NRG1: variants seen among roughly 807,000 people sequenced by gnomAD.
NRG1 encodes the protein pro-neuregulin-1, membrane-bound isoform.
In NRG1, 18 loss-of-function variants were observed where a neutral mutation model predicts 63.8. The observed-to-expected ratio is 0.28, with a 90% CI of 0.19 to 0.42. The LOEUF (loss-of-function observed/expected upper bound fraction) is 0.42. Among genes scored for constraint, NRG1 ranks in the 10% least tolerant of loss-of-function variants. The pLI, the probability that NRG1 is intolerant of heterozygous loss-of-function variation, is 1.00. For synonymous variants in NRG1, 302 were observed against 301.3 expected, an observed-to-expected ratio of 1.00 and a Z score of -0.02; for missense variants, 762 against 814.7, an observed-to-expected ratio of 0.94 and a Z score of 0.79.
chr8:32,578,034 G>A (rs1268557253), intron 1 of NRG1, among the ~76,000 whole-genome samples: 9 of 152,066 alleles, frequency 5.9e-5, no homozygotes, highest in East Asian at 1.9e-4. Context: ...TCACACAGTC[G>A]CCTGGTCTGG....
At chr8:31,913,146 G>A (rs1833085165) in intron 1 of NRG1, among the ~76,000 whole-genome samples, 1 of 152,082 alleles carries the variant, frequency 6.6e-6, no homozygotes, top group Admixed American at 6.6e-5. Context: ...AGCTAGAATG[G>A]AATAGGTCCA....
rs1306709157 is a variant in NRG1 at position 32,407,343 on chromosome 8, A to G, written c.38-188485A>G. On this transcript the variant is annotated intron_variant, in intron 1 of 10. Transcript: ENST00000519301. ...ATTATATATATATATGGCCAACCAT[A>G]TATCTATTAGTAGCTCTCTCTATAT... 1.0e-4 allele frequency among the ~76,000 whole-genome samples: 13 copies of G among 129,858 alleles called. 1 individual carries two copies. The highest frequency in any genetic ancestry group is 2.1e-4 in the East Asian group (1 of 4,858). 85.2% of individuals were successfully genotyped at this position (129,858 alleles called of 152,430 possible).
At chr8:31,793,441 C>A (rs1820904516) in intron 1 of NRG1, among the ~76,000 whole-genome samples, 1 of 152,102 alleles carries the variant, frequency 6.6e-6, no homozygotes. Context: ...AAAGTGAGTA[C>A]CCCAAACTGT....
At chr8:31,708,261 C>A (rs545878603) in intron 1 of NRG1, among the ~76,000 whole-genome samples, 1 of 152,210 alleles carries the variant, frequency 6.6e-6, no homozygotes, top group African/African-American at 2.4e-5. Context: ...CTTTTCCCTT[C>A]TTGCTGGCAG....
intron 1 of NRG1, among the ~76,000 whole-genome samples, chr8:31,813,755 C>T (rs1470325463): frequency 1.3e-5 from 2 of 151,866 alleles, no homozygotes; most frequent in Admixed American, 6.6e-5. Flanking sequence ...TCGAACTCCT[C>T]GGCTCAAGTG....
At position 31,740,077 on chromosome 8, in the gene NRG1, G is replaced by GA. The variant is rs570580033; in HGVS notation, c.37+100655dup. Among the ~76,000 whole-genome samples the GA allele has an allele frequency of 9.3e-5, 14 of 150,398 alleles. 1 individual carries two copies. The highest frequency in any genetic ancestry group is 2.0e-4 in the Admixed American group (3 of 15,086). ...GCAGCTGATATCATTTGCCTTGTGG[G>GA]AAAAAAAAATGAGGCTGTTTTATGT... On this transcript the variant is annotated intron_variant, in intron 1 of 10. Transcript: ENST00000519301.
intron 1 of NRG1, among the ~76,000 whole-genome samples, chr8:31,745,824 G>T (rs1418037696): frequency 6.6e-6 from 1 of 151,836 alleles, no homozygotes; most frequent in African/African-American, 2.4e-5. Flanking sequence ...TAAATGGAAA[G>T]AATTCAAAAG....
chr8:32,021,520 C>T (rs1816438288), intron 1 of NRG1, among the ~76,000 whole-genome samples: 1 of 152,168 alleles, frequency 6.6e-6, no homozygotes, highest in African/African-American at 2.4e-5. Flanking sequence ...ATAACCCAAA[C>T]ACCTCCCAAT....
chr8:31,640,356 G>A lies in NRG1; in HGVS notation c.37+925G>A. ...AGCCGCCAGCCGCGGGCCCACGGGCGCTGGGGCCGCCCGCCGAGGAGCCGC... is the reference window on the plus strand; with the variant it reads ...AGCCGCCAGCCGCGGGCCCACGGGCACTGGGGCCGCCCGCCGAGGAGCCGC... On this transcript the variant is annotated intron_variant, in intron 1 of 10. Transcript: ENST00000519301. The surrounding 1 kb of genome is among the most constrained non-coding windows in gnomAD (Gnocchi z 6.3). 1 of 1,233,918 alleles carries A rather than the reference G, an allele frequency of 8.1e-7. No homozygotes were observed. Among genetic ancestry groups the A allele is most frequent in the Non-Finnish European group, 1.0e-6 (1 of 988,188 alleles). The allele number at this position is 1,233,918 out of a possible 1,614,324, so 76.4% of individuals were successfully genotyped here.
At position 32,106,640 on chromosome 8, in the gene NRG1, G is replaced by T. The variant is rs1259167894; in HGVS notation, c.37+467209G>T. On this transcript the variant is annotated intron_variant, in intron 1 of 10. Transcript: ENST00000519301. ...GTTACAGAGATCTCTTTGGTAATAT[G>T]ACTATTTTAATAAAATATTCACAAT... is the stretch of plus-strand genomic sequence containing the variant. Among the ~76,000 whole-genome samples the T allele has an allele frequency of 2.0e-5, 3 of 152,218 alleles. No individual in the cohort carries two copies. The East Asian group carries it at 5.8e-4, about 29-fold the overall frequency.
At chr8:32,014,724 C>A (rs450488) in intron 1 of NRG1, among the ~76,000 whole-genome samples, 92,701 of 134,494 alleles carry the variant, frequency 0.69, 31,990 homozygotes, top group African/African-American at 0.73. Flanking sequence ...AACCCCCCCC[C>A]AAAAAAGATG....
chr8:32,682,052 C>T (rs1385398284), intron 5 of NRG1, among the ~76,000 whole-genome samples: 1 of 152,110 alleles, frequency 6.6e-6, no homozygotes, highest in Non-Finnish European at 1.5e-5. Context: ...ATAAATGTTA[C>T]TATTTTCATT....
At chr8:31,688,689 G>A (rs556396726) in intron 1 of NRG1, among the ~76,000 whole-genome samples, 15 of 152,328 alleles carry the variant, frequency 9.8e-5, no homozygotes, top group South Asian at 2.1e-4. Context: ...ACACAGGTAC[G>A]TGTAGATTCA....
In NRG1 at chr8:32,053,536, C is replaced by G. The variant is rs779466902; in HGVS notation, c.37+414105C>G. On this transcript the variant is annotated intron_variant, in intron 1 of 10. Transcript: ENST00000519301. ...GGGTCATGTTTTGGGGATCAAACCTCTTTTCATCATGAAAGCTACTGGGTG... is the reference window on the plus strand; with the variant it reads ...GGGTCATGTTTTGGGGATCAAACCTGTTTTCATCATGAAAGCTACTGGGTG... Among the ~76,000 whole-genome samples the G allele has an allele frequency of 4.4e-4, 67 of 152,140 alleles. 1 individual carries two copies. Among genetic ancestry groups the G allele is most frequent in the Admixed American group, 2.9e-3 (45 of 15,268 alleles).
intron 1 of NRG1, among the ~76,000 whole-genome samples, chr8:32,363,837 G>A (rs1028684339): frequency 5.3e-5 from 8 of 152,030 alleles, no homozygotes; most frequent in African/African-American, 1.9e-4. Flanking sequence ...TGATTGCCAG[G>A]GGTTGGGATT....
intron 5 of NRG1, among the ~76,000 whole-genome samples, chr8:32,706,122 G>A (rs1430298618): frequency 6.6e-6 from 1 of 152,186 alleles, no homozygotes; most frequent in African/African-American, 2.4e-5. Context: ...AGGTTTAGAT[G>A]CCTATAGCAG....
intron 1 of NRG1, among the ~76,000 whole-genome samples, chr8:31,726,947 T>C (rs1189869530): frequency 5.3e-5 from 8 of 152,174 alleles, no homozygotes; most frequent in African/African-American, 1.9e-4. Flanking sequence ...TGGACGAATT[T>C]CAGTCCTGAA....
intron 5 of NRG1, chr8:32,647,335 TTCAGATGCTCGAGG>T (rs1853811026): frequency 1.0e-6 from 1 of 985,292 alleles, no homozygotes; most frequent in South Asian, 4.7e-5. Context: ...AGACACCAGC[TTCAGATGCTCGAGG>T]TGAGAAACAT....
rs181291648 is a variant in NRG1 at position 32,732,634 on chromosome 8, A to C, written c.632+4556A>C. 1.4e-4 allele frequency among the ~76,000 whole-genome samples: 22 copies of C among 152,254 alleles called. No individual in the cohort carries two copies. In the East Asian group the frequency reaches 3.7e-3, roughly 25 times the overall value. ...TCTCCAAATTTCTTCCCAGGGAGTC[A>C]GTGAAATTAAATGAGTTCATTTCTG... On this transcript the variant is annotated intron_variant, in intron 6 of 11. Coordinates refer to ENST00000356819, the Ensembl canonical transcript of NRG1.
Sources: gnomAD v4.1 joint callset for allele counts (sites outside exome capture counted in the v4.1 genomes callset) on GRCh38, gnomAD v4.1.1 for gene constraint, Gnocchi (gnomAD v3.1) non-coding constraint, MANE v1.5 for transcripts, NCBI Gene and HGNC (gene_info 2026-07-23, HGNC 2026-07-21) for gene names.